PHF21A: variants seen among roughly 807,000 people sequenced by gnomAD.
PHF21A encodes BHC80a.
PHF21A carries 11 observed loss-of-function variants against 82.5 expected under a neutral mutation model. The observed-to-expected ratio is 0.13, with a 90% CI of 0.08 to 0.22. The LOEUF (loss-of-function observed/expected upper bound fraction) is 0.22, where lower values mean the gene tolerates loss of function less well. PHF21A is among the 10% of genes least tolerant of loss of function. The probability of loss-of-function intolerance (pLI) is 1.00; values close to 1 mark genes in which losing one functional copy is unlikely to be tolerated. For synonymous variants in PHF21A, 297 were observed against 302.8 expected, an observed-to-expected ratio of 0.98 and a Z score of 0.20; for missense variants, 579 against 837.8, an observed-to-expected ratio of 0.69 and a Z score of 3.81.
chr11:46,089,970 A>T (rs1053746318), intron 3 of PHF21A, among the ~76,000 whole-genome samples: 1 of 151,880 alleles, frequency 6.6e-6, no homozygotes, highest in Non-Finnish European at 1.5e-5. Context: ...TACCATCATC[A>T]GTGCTCAGCC....
chr11:46,106,378 G>A (rs2097152576), intron 1 of PHF21A, among the ~76,000 whole-genome samples: 1 of 152,132 alleles, frequency 6.6e-6, no homozygotes, highest in African/African-American at 2.4e-5. Flanking sequence ...TTTGCATATA[G>A]ATTAAATAAA....
At chr11:45,959,248 G>T (rs1371728469) in intron 10 of PHF21A, among the ~76,000 whole-genome samples, 1 of 152,128 alleles carries the variant, frequency 6.6e-6, no homozygotes, top group Admixed American at 6.5e-5. Flanking sequence ...TGAGGAGATA[G>T]ATATATTAAT....
At chr11:45,954,813 G>A (rs1488846602) in intron 10 of PHF21A, among the ~76,000 whole-genome samples, 2 of 152,106 alleles carry the variant, frequency 1.3e-5, no homozygotes, top group Admixed American at 1.3e-4. Context: ...AATTAAATAA[G>A]TGAGAATAAA....
At chr11:45,981,359 C>T (rs2094273662) in intron 6 of PHF21A, among the ~76,000 whole-genome samples, 1 of 137,888 alleles carries the variant, frequency 7.3e-6, no homozygotes, top group Non-Finnish European at 1.5e-5. Context: ...GCACTCTGCA[C>T]TCCAGCCTGG....
intron 6 of PHF21A, among the ~76,000 whole-genome samples, chr11:46,059,079 T>C (rs568027178): frequency 2.9e-4 from 44 of 152,306 alleles, no homozygotes; most frequent in Admixed American, 1.7e-3. Flanking sequence ...GATTCTACTA[T>C]ACATACCAAA....
At chr11:46,001,250 AAC>A (rs2095117984) in intron 6 of PHF21A, among the ~76,000 whole-genome samples, 1 of 151,612 alleles carries the variant, frequency 6.6e-6, no homozygotes, top group Admixed American at 6.6e-5. Context: ...GAAACTGAAA[AAC>A]CATCAAGGTT....
chr11:45,979,340 C>A (rs1260396731), intron 7 of PHF21A, among the ~76,000 whole-genome samples: 1 of 152,128 alleles, frequency 6.6e-6, no homozygotes, highest in Non-Finnish European at 1.5e-5. Context: ...CCAAATGCTT[C>A]TTTCTATCTG....
At chr11:46,011,576 G>C (rs1256766155) in intron 6 of PHF21A, among the ~76,000 whole-genome samples, 1 of 152,108 alleles carries the variant, frequency 6.6e-6, no homozygotes, top group Non-Finnish European at 1.5e-5. Context: ...TGGAAATCTA[G>C]GATTTCAAGA....
intron 6 of PHF21A, among the ~76,000 whole-genome samples, chr11:45,991,959 CA>C (rs150586830): frequency 0.012 from 1,762 of 152,216 alleles, 39 homozygotes; most frequent in African/African-American, 0.04. Context: ...TTACATTTTG[CA>C]AGACATGTAA....
At chr11:46,013,905 G>A (rs2095462672) in intron 6 of PHF21A, among the ~76,000 whole-genome samples, 1 of 152,070 alleles carries the variant, frequency 6.6e-6, no homozygotes, top group Admixed American at 6.5e-5. Context: ...GTGAATGAGT[G>A]GTTAGTAAAT....
intron 3 of PHF21A, among the ~76,000 whole-genome samples, chr11:46,086,994 T>G (rs1350085976): frequency 6.6e-6 from 1 of 152,180 alleles, no homozygotes; most frequent in Non-Finnish European, 1.5e-5. Flanking sequence ...TAACTAAGAT[T>G]ATATGCTTTG....
In PHF21A at chr11:45,979,970, C is replaced by A; in HGVS notation, c.154-4G>T. ...GTAGCTGTTCAACTACTCTTTTCTACCAAATGAAGACAAAAAGAAATAAAA... is the reference window on the plus strand; with the variant it reads ...GTAGCTGTTCAACTACTCTTTTCTAACAAATGAAGACAAAAAGAAATAAAA... On this transcript the variant is annotated splice_polypyrimidine_tract_variant and splice_region_variant and intron_variant, in intron 6 of 18. Coordinates refer to ENST00000676320, the MANE Select transcript of PHF21A (RefSeq NM_001352027.3). 1 of 1,613,956 alleles carries A rather than the reference C, an allele frequency of 6.2e-7. No individual in the cohort carries two copies. Among genetic ancestry groups the A allele is most frequent in the South Asian group, 1.1e-5 (1 of 91,074 alleles).
intron 3 of PHF21A, among the ~76,000 whole-genome samples, chr11:46,089,426 C>T (rs1378480707): frequency 6.6e-6 from 1 of 151,916 alleles, no homozygotes; most frequent in Non-Finnish European, 1.5e-5. Flanking sequence ...ATACAAATGA[C>T]AACATTAAAA....
At chr11:46,090,631 A>C (rs79902180) in intron 2 of PHF21A, 65 bp from the exon 3 acceptor site, 1 of 152,230 alleles carries the variant, frequency 6.6e-6, no homozygotes, top group East Asian at 1.9e-4. Context: ...TGACCACAGA[A>C]GCCTTTTCCC....
chr11:46,111,506 A>G (rs2097213852), intron 1 of PHF21A, among the ~76,000 whole-genome samples: 1 of 152,144 alleles, frequency 6.6e-6, no homozygotes, highest in Non-Finnish European at 1.5e-5. Context: ...AAATAAAACT[A>G]AAGGCAGAGT....
intron 6 of PHF21A, among the ~76,000 whole-genome samples, chr11:45,981,940 C>CTTTTT (rs754937092): frequency 1.3e-4 from 10 of 78,278 alleles, no homozygotes; most frequent in Admixed American, 1.8e-4. Context: ...TTTTGTTTTT[C>CTTTTT]TTTTTTTTTT....
At chr11:46,054,782 T>C (rs867290117) in intron 6 of PHF21A, among the ~76,000 whole-genome samples, 1 of 152,206 alleles carries the variant, frequency 6.6e-6, no homozygotes, top group African/African-American at 2.4e-5. Context: ...AAATAATAGA[T>C]ACTCCATAAA....
Position 45,933,144 on chromosome 11 carries a change from A to G in PHF21A, c.*824T>C, listed in dbSNP as rs1189400269. On this transcript the variant is annotated 3_prime_UTR_variant, in exon 19 of 19. Coordinates refer to ENST00000676320, the MANE Select transcript of PHF21A (RefSeq NM_001352027.3). ...CTTTTTTTCCTTCCTGGACACACAC[A>G]TCCTTCTTCCCTGCCTTGGGCAAGG... The G allele has an allele frequency of 1.3e-5, 2 of 152,458 alleles. No individual in the cohort carries two copies. The highest frequency in any genetic ancestry group is 4.8e-5 in the African/African-American group (2 of 41,428). The allele number at this position is 152,458 out of a possible 1,614,324, so 9.4% of individuals were successfully genotyped here.
At chr11:46,056,970 T>G (rs527772809) in intron 6 of PHF21A, among the ~76,000 whole-genome samples, 1 of 152,154 alleles carries the variant, frequency 6.6e-6, no homozygotes, top group Non-Finnish European at 1.5e-5. Flanking sequence ...AGATAACTGA[T>G]TTTATTTGCT....
Sources: gnomAD v4.1 joint callset for allele counts (sites outside exome capture counted in the v4.1 genomes callset) on GRCh38, gnomAD v4.1.1 for gene constraint, MANE v1.5 for transcripts, NCBI Gene and HGNC (gene_info 2026-07-23, HGNC 2026-07-21) for gene names.